Variants in PARVA observed in about 807,000 individuals in gnomAD.
The protein encoded by PARVA is parvin alpha.
In PARVA, 25 loss-of-function variants were observed where a neutral mutation model predicts 52.6. The observed-to-expected ratio is 0.48, with a 90% CI of 0.35 to 0.66. PARVA has a LOEUF of 0.66. Among genes scored for constraint, PARVA ranks in the 30% least tolerant of loss-of-function variants. PARVA has a pLI of 0.01. For synonymous variants in PARVA, 185 were observed against 179.1 expected, an observed-to-expected ratio of 1.03 and a Z score of -0.26; for missense variants, 373 against 450.9, an observed-to-expected ratio of 0.83 and a Z score of 1.56.
intron 10 of PARVA, among the ~76,000 whole-genome samples, chr11:12,517,224 C>T (rs540805721): frequency 6.6e-6 from 1 of 152,178 alleles, no homozygotes; most frequent in Non-Finnish European, 1.5e-5. Context: ...GAGCTTCCTT[C>T]CATCAGAGCA....
chr11:12,408,773 A>G (rs999843740), intron 1 of PARVA, among the ~76,000 whole-genome samples: 2 of 152,192 alleles, frequency 1.3e-5, no homozygotes, highest in Admixed American at 6.5e-5. Flanking sequence ...CAGGCAATAT[A>G]AAACAAATAA....
In PARVA at chr11:12,530,727, C is replaced by G. The variant is rs200834144; in HGVS notation, c.*2802C>G. On this transcript the variant is annotated 3_prime_UTR_variant, in exon 13 of 13. Coordinates refer to ENST00000334956, the MANE Select transcript of PARVA (RefSeq NM_018222.5). The stretch of plus-strand genomic sequence containing the variant: ...TACTGTCATACACTTTGTTTTTTAT[C>G]ACTTAATGTTATATCTTGGATATTG... 6.6e-6 allele frequency: 1 copy of G among 151,516 alleles called. No homozygotes were observed. Among genetic ancestry groups the G allele is most frequent in the African/African-American group, 2.4e-5 (1 of 41,200 alleles). The allele number at this position is 151,516 out of a possible 1,614,324, so 9.4% of individuals were successfully genotyped here. A position where few individuals can be genotyped will look rare whatever the true frequency, so the allele number is the denominator to read the frequency against.
At chr11:12,383,896 T>C (rs1223254514) in intron 1 of PARVA, among the ~76,000 whole-genome samples, 2 of 152,306 alleles carry the variant, frequency 1.3e-5, no homozygotes, top group East Asian at 3.9e-4. Context: ...GGGGCACGCC[T>C]TGAACAATGG....
chr11:12,467,055 ATCT>A (rs1324181254), intron 1 of PARVA, among the ~76,000 whole-genome samples: 1 of 152,244 alleles, frequency 6.6e-6, no homozygotes, highest in African/African-American at 2.4e-5. Context: ...GGGTTTTATA[ATCT>A]TCTGCATATC....
chr11:12,491,017 A>C (rs905630174), intron 4 of PARVA, among the ~76,000 whole-genome samples: 1 of 152,216 alleles, frequency 6.6e-6, no homozygotes, highest in African/African-American at 2.4e-5. Context: ...CCAAAAAAAA[A>C]CAAGGCTGGA....
intron 1 of PARVA, among the ~76,000 whole-genome samples, chr11:12,431,224 A>G (rs1940310637): frequency 6.6e-6 from 1 of 152,198 alleles, no homozygotes; most frequent in Non-Finnish European, 1.5e-5. Flanking sequence ...AGACCCTCCC[A>G]TAATCTAGCA....
chr11:12,461,564 A>G (rs1940780926), intron 1 of PARVA, among the ~76,000 whole-genome samples: 1 of 152,342 alleles, frequency 6.6e-6, no homozygotes, highest in Middle Eastern at 3.4e-3. Flanking sequence ...TTTAACTCCC[A>G]TGGCTTACAT....
chr11:12,380,741 C>T (rs1939473644), intron 1 of PARVA, among the ~76,000 whole-genome samples: 1 of 140,226 alleles, frequency 7.1e-6, no homozygotes, highest in Admixed American at 6.8e-5. Flanking sequence ...CAGATTAGGA[C>T]TGTCATCTCC....
chr11:12,476,204 G>A (rs1196321565), intron 3 of PARVA, among the ~76,000 whole-genome samples: 2 of 152,142 alleles, frequency 1.3e-5, no homozygotes, highest in African/African-American at 4.8e-5. Flanking sequence ...GATGCACATA[G>A]GCCTGAGCCC....
chr11:12,406,819 C>T (rs577717840), intron 1 of PARVA, among the ~76,000 whole-genome samples: 31 of 151,846 alleles, frequency 2.0e-4, no homozygotes, highest in Admixed American at 8.5e-4. Flanking sequence ...TACAGGCACC[C>T]GCCACCATGC....
rs1941810115 is a variant in PARVA, at chr11:12,534,322, T to C, written c.*6397T>C. Among the ~76,000 whole-genome samples, 1 of 152,178 alleles carries C rather than the reference T, an allele frequency of 6.6e-6. No individual in the cohort carries two copies. Among genetic ancestry groups the C allele is most frequent in the Admixed American group, 6.5e-5 (1 of 15,278 alleles). On this transcript the variant is annotated 3_prime_UTR_variant, in exon 13 of 13. Coordinates refer to ENST00000334956, the MANE Select transcript of PARVA (RefSeq NM_018222.5). ...AAATCCCCGCTTGAAATCTCCTTGG[T>C]TGGAAACCAGTCCAGTGGGTGACTG...
At chr11:12,504,475 G>A in intron 6 of PARVA, 46 bp downstream of exon 6, 1 of 1,240,486 alleles carries the variant, frequency 8.1e-7, no homozygotes, top group Non-Finnish European at 1.2e-6. Context: ...AAAGAGTCGT[G>A]GAGGTCGAGT....
intron 1 of PARVA, among the ~76,000 whole-genome samples, chr11:12,457,235 G>A (rs775039296): frequency 2.6e-5 from 4 of 152,112 alleles, no homozygotes; most frequent in Admixed American, 1.3e-4. Context: ...AAGCATCTTC[G>A]ATTTACTACA....
chr11:12,398,552 G>C (rs1019062985), intron 1 of PARVA, among the ~76,000 whole-genome samples: 2 of 149,324 alleles, frequency 1.3e-5, no homozygotes, highest in Non-Finnish European at 3.0e-5. Context: ...GGGGTTCACA[G>C]TCTAGCCTCT....
At chr11:12,508,739 G>A in intron 7 of PARVA, 97 bp downstream of exon 7, 2 of 964,446 alleles carry the variant, frequency 2.1e-6, no homozygotes, top group African/African-American at 3.2e-5. Flanking sequence ...CATTTATTGG[G>A]ATTGCAGGAG....
chr11:12,442,446 G>A (rs1357070261), intron 1 of PARVA, among the ~76,000 whole-genome samples: 2 of 152,206 alleles, frequency 1.3e-5, no homozygotes, highest in East Asian at 3.9e-4. Flanking sequence ...TGAAGAAAAG[G>A]TATGTGGAGC....
At chr11:12,387,769 TG>T (rs1397136772) in intron 1 of PARVA, among the ~76,000 whole-genome samples, 20 of 18,028 alleles carry the variant, frequency 1.1e-3, no homozygotes, top group African/African-American at 3.8e-3. Flanking sequence ...GGGGTGGGGG[TG>T]GGGGTGCAGG....
intron 1 of PARVA, among the ~76,000 whole-genome samples, chr11:12,454,607 CTG>C (rs1281290235): frequency 6.6e-6 from 1 of 151,526 alleles, no homozygotes; most frequent in Non-Finnish European, 1.5e-5. Context: ...GAACTTCTGA[CTG>C]TGGAAAACTT....
chr11:12,494,811 G>C (rs983517640), intron 4 of PARVA, among the ~76,000 whole-genome samples: 21 of 152,204 alleles, frequency 1.4e-4, no homozygotes, highest in Middle Eastern at 6.8e-3. Context: ...GCAAATAAGT[G>C]GCTCCTCCTC....
Sources: allele counts gnomAD v4.1 joint callset (sites outside exome capture counted in the v4.1 genomes callset), GRCh38; gene constraint gnomAD v4.1.1; transcripts MANE v1.5; gene names NCBI Gene and HGNC (gene_info 2026-07-23, HGNC 2026-07-21).